Variants in CDYL observed in about 807,000 individuals in gnomAD.
CDYL encodes the protein chromodomain Y like.
CDYL carries 8 observed loss-of-function variants against 47.3 expected under a neutral mutation model. The ratio of observed to expected loss-of-function variants is 0.17; its 90% confidence interval spans 0.10 to 0.31. The LOEUF is 0.31. Among genes scored for constraint, CDYL ranks in the 10% least tolerant of loss-of-function variants. The pLI is 1.00. For missense variants in CDYL, 471 were observed against 701.4 expected (o/e 0.67, Z 3.71); for synonymous variants, 266 against 265.0 (o/e 1.00, Z -0.04).
At chr6:4,807,925 C>G (rs535494399) in intron 1 of CDYL, among the ~76,000 whole-genome samples, 1 of 151,916 alleles carries the variant, frequency 6.6e-6, no homozygotes, top group East Asian at 1.9e-4. Flanking sequence ...TCTTTATGCA[C>G]TTAGATTTTT....
At chr6:4,801,843 T>A (rs1189984330) in intron 1 of CDYL, among the ~76,000 whole-genome samples, 1 of 152,210 alleles carries the variant, frequency 6.6e-6, no homozygotes, top group African/African-American at 2.4e-5. Context: ...GGCTCCATGT[T>A]ACTCTTTTTT....
At chr6:4,793,188 C>T (rs1305354752) in intron 1 of CDYL, among the ~76,000 whole-genome samples, 1 of 152,156 alleles carries the variant, frequency 6.6e-6, no homozygotes, top group Non-Finnish European at 1.5e-5. Context: ...ACGTGAGAAA[C>T]CCTGTTGAAC....
intron 3 of CDYL, among the ~76,000 whole-genome samples, chr6:4,769,154 A>T (rs893131327): frequency 1.3e-5 from 2 of 152,192 alleles, no homozygotes; most frequent in African/African-American, 2.4e-5. Flanking sequence ...ATTAGGTAAA[A>T]ACTAGGGAAA....
intron 1 of CDYL, among the ~76,000 whole-genome samples, chr6:4,778,941 T>A (rs190901805): frequency 3.0e-4 from 46 of 152,260 alleles, no homozygotes; most frequent in Non-Finnish European, 3.1e-4. Context: ...AGTTTCCTCA[T>A]CTGTGAAATT....
At chr6:4,813,898 C>T (rs1247994683) in intron 1 of CDYL, among the ~76,000 whole-genome samples, 4 of 151,840 alleles carry the variant, frequency 2.6e-5, no homozygotes, top group African/African-American at 9.7e-5. Context: ...CTCAGCCTCC[C>T]GGCTGGAACT....
intron 5 of CDYL, among the ~76,000 whole-genome samples, chr6:4,950,555 C>T (rs761852959): frequency 2.6e-5 from 4 of 152,132 alleles, no homozygotes; most frequent in Admixed American, 6.5e-5. Context: ...AAGGTCGGGT[C>T]GCGTTTCTAA....
chr6:4,715,899 T>C, intron 2 of CDYL: 1 of 1,610,058 alleles, frequency 6.2e-7, no homozygotes, highest in Non-Finnish European at 8.5e-7. Flanking sequence ...CTTGCAGGAA[T>C]CAAATTAGTT....
rs528478638 is a variant in CDYL, at chr6:4,722,420, A to AC, written c.103+6540dup. Among the ~76,000 whole-genome samples the AC allele has an allele frequency of 3.9e-5, 6 of 152,326 alleles. No individual in the cohort carries two copies. The South Asian group carries it at 1.0e-3, about 26-fold the overall frequency. ...GAAAACAAAGAAAAAATTTAAAAAAACACAAAAACTAATTAAATTATGATT... is the reference window on the plus strand; with the variant it reads ...GAAAACAAAGAAAAAATTTAAAAAAACCACAAAAACTAATTAAATTATGATT... On this transcript the variant is annotated intron_variant, in intron 2 of 8. Transcript: ENST00000328908.
intron 1 of CDYL, among the ~76,000 whole-genome samples, chr6:4,789,892 C>T (rs1218450783): frequency 1.3e-5 from 2 of 152,142 alleles, no homozygotes; most frequent in Non-Finnish European, 2.9e-5. Context: ...CAATAAAATC[C>T]TCCTGTTCCT....
chr6:4,950,316 C>G (rs1473275846), intron 5 of CDYL, among the ~76,000 whole-genome samples: 2 of 152,188 alleles, frequency 1.3e-5, no homozygotes, highest in Non-Finnish European at 2.9e-5. Flanking sequence ...CTCCGCTGCC[C>G]AAGCTAAGGC....
At chr6:4,887,987 G>A (rs1240683213) in intron 1 of CDYL, among the ~76,000 whole-genome samples, 1 of 151,496 alleles carries the variant, frequency 6.6e-6, no homozygotes, top group African/African-American at 2.4e-5. Context: ...TATTGATGTG[G>A]CATATGAATG....
intron 1 of CDYL, among the ~76,000 whole-genome samples, chr6:4,874,881 C>T (rs1761576757): frequency 6.6e-6 from 1 of 151,982 alleles, no homozygotes; most frequent in Admixed American, 6.6e-5. Context: ...TCTGTGTTGT[C>T]GTGGGATGGT....
chr6:4,829,460 C>T (rs969716615), intron 1 of CDYL, among the ~76,000 whole-genome samples: 3 of 152,138 alleles, frequency 2.0e-5, no homozygotes, highest in Non-Finnish European at 4.4e-5. Context: ...TCTGTGACTC[C>T]AGGTTTGCAT....
intron 1 of CDYL, among the ~76,000 whole-genome samples, chr6:4,872,558 T>G (rs765604564): frequency 6.6e-6 from 1 of 152,040 alleles, no homozygotes; most frequent in African/African-American, 2.4e-5. Context: ...TCTTTTGTAT[T>G]TAGTAGACAC....
intron 3 of CDYL, among the ~76,000 whole-genome samples, chr6:4,760,130 C>T (rs1205206772): frequency 1.3e-5 from 2 of 151,580 alleles, no homozygotes; most frequent in African/African-American, 4.8e-5. Context: ...CAGTGAGTTA[C>T]AGCCACATCC....
chr6:4,769,412 T>TATTAAAA (rs1236547246), intron 3 of CDYL, among the ~76,000 whole-genome samples: 1 of 152,198 alleles, frequency 6.6e-6, no homozygotes. Context: ...TATTTAAAAG[T>TATTAAAA]CTGCCAAGTA....
intron 1 of CDYL, among the ~76,000 whole-genome samples, chr6:4,856,136 T>G (rs1024472722): frequency 1.3e-5 from 2 of 152,168 alleles, no homozygotes; most frequent in Non-Finnish European, 2.9e-5. Flanking sequence ...CACCAGGGTA[T>G]AGCAGTGAAC....
At chr6:4,782,567 G>GAA (rs1758645179) in intron 1 of CDYL, among the ~76,000 whole-genome samples, 1 of 152,152 alleles carries the variant, frequency 6.6e-6, no homozygotes, top group Non-Finnish European at 1.5e-5. Context: ...AGGTTTTGGG[G>GAA]TTCACGTTCT....
At chr6:4,715,980 G>A (rs2127408008) in intron 2 of CDYL, 2 of 1,502,036 alleles carry the variant, frequency 1.3e-6, no homozygotes, top group Admixed American at 2.1e-5. Context: ...CGGGCACGGT[G>A]GCTCACGCCT....
Sources: gnomAD v4.1 joint callset for allele counts (sites outside exome capture counted in the v4.1 genomes callset) on GRCh38, gnomAD v4.1.1 for gene constraint, MANE v1.5 for transcripts, NCBI Gene and HGNC (gene_info 2026-07-23, HGNC 2026-07-21) for gene names.